The following SLCO1B3 variants were observed in gnomAD, a reference collection of about 807,000 sequenced individuals.
SLCO1B3 encodes liver-specific organic anion transporter 2.
SLCO1B3 carries 72 observed loss-of-function variants against 71.8 expected under a neutral mutation model. The ratio of observed to expected loss-of-function variants is 1.00; its 90% CI spans 0.83 to 1.22. The LOEUF (loss-of-function observed/expected upper bound fraction) is 1.22. Among genes scored for constraint, SLCO1B3 ranks in the 50% most tolerant of loss-of-function variants. The probability of loss-of-function intolerance (pLI) is 0.00; values close to 1 mark genes in which losing one functional copy is unlikely to be tolerated. For synonymous variants in SLCO1B3, 298 were observed against 278.4 expected (o/e 1.07, Z -0.70); for missense variants, 911 against 819.7 (o/e 1.11, Z -1.36).
intron 5 of SLCO1B3, among the ~76,000 whole-genome samples, chr12:20,860,218 G>T (rs1471314785): frequency 6.6e-6 from 1 of 152,108 alleles, no homozygotes; most frequent in Non-Finnish European, 1.5e-5. Context: ...ACCTCCCAAA[G>T]TGCTGGGATT....
chr12:20,850,446 AT>A (rs1323307640), intron 3 of SLCO1B3, among the ~76,000 whole-genome samples: 3 of 150,148 alleles, frequency 2.0e-5, no homozygotes, highest in Non-Finnish European at 3.0e-5. Context: ...CTCCCGGCTA[AT>A]TTTTTTTTGT....
intron 13 of SLCO1B3, among the ~76,000 whole-genome samples, chr12:20,898,053 A>T (rs1488919108): frequency 6.6e-6 from 1 of 152,192 alleles, no homozygotes; most frequent in African/African-American, 2.4e-5. Context: ...GTCTGCTAAG[A>T]ATTACTCCTG....
At position 20,862,854 on chromosome 12, in the gene SLCO1B3, AG is replaced by A. The variant is rs1865298509; in HGVS notation, c.727+1del. 3 of 1,527,076 alleles carry A rather than the reference AG, an allele frequency of 2.0e-6. No individual in the cohort carries two copies. The highest frequency in any genetic ancestry group is 2.7e-6 in the Non-Finnish European group (3 of 1,102,138). 94.6% of individuals were successfully genotyped at this position (1,527,076 alleles called of 1,614,324 possible). A position where few individuals can be genotyped will look rare whatever the true frequency, so the allele number is the denominator to read the frequency against. On this transcript the variant is annotated splice_donor_variant, in intron 8 of 15. Coordinates refer to ENST00000381545, the MANE Select transcript of SLCO1B3 (RefSeq NM_019844.4). LOFTEE classifies it high-confidence loss of function. ...CGTGGATATTGGATATGTAGATCTG[AG>A]TAAGTACAATTAGAACAAGGTACCA...
intron 15 of SLCO1B3, among the ~76,000 whole-genome samples, chr12:20,914,050 C>T (rs1866442390): frequency 6.6e-6 from 1 of 152,164 alleles, no homozygotes; most frequent in Non-Finnish European, 1.5e-5. Context: ...AGGCATGAGC[C>T]ACCATGCCTG....
At chr12:20,854,497 G>A (rs757211960) in intron 3 of SLCO1B3, among the ~76,000 whole-genome samples, 9 of 152,052 alleles carry the variant, frequency 5.9e-5, no homozygotes, top group Non-Finnish European at 1.2e-4. Flanking sequence ...TAGTTTTTCT[G>A]ATATGATTAT....
intron 15 of SLCO1B3, among the ~76,000 whole-genome samples, chr12:20,910,484 C>T (rs1866350647): frequency 6.6e-6 from 1 of 152,144 alleles, no homozygotes; most frequent in South Asian, 2.1e-4. Flanking sequence ...TCAATATCCA[C>T]AAAATAACTT....
intron 13 of SLCO1B3, among the ~76,000 whole-genome samples, chr12:20,888,404 G>C (rs1005933284): frequency 2.0e-5 from 3 of 151,810 alleles, no homozygotes; most frequent in Non-Finnish European, 4.4e-5. Context: ...TCCTCGTAGA[G>C]ACTTTTTTAC....
chr12:20,814,198 TC>T (rs1475764790), intron 2 of SLCO1B3, among the ~76,000 whole-genome samples: 1 of 152,080 alleles, frequency 6.6e-6, no homozygotes, highest in Non-Finnish European at 1.5e-5. Flanking sequence ...TTATAAATAT[TC>T]CACTGTTCTA....
At chr12:20,875,629 A>G in intron 9 of SLCO1B3, 152 bp downstream of exon 9, 1 of 811,294 alleles carries the variant, frequency 1.2e-6, no homozygotes, top group South Asian at 1.8e-5. Flanking sequence ...AACTCCTATT[A>G]AAATTAACAA....
chr12:20,859,491 C>CCCCG (rs1555156065), intron 5 of SLCO1B3, among the ~76,000 whole-genome samples: 3 of 137,780 alleles, frequency 2.2e-5, no homozygotes, highest in East Asian at 2.3e-4. Flanking sequence ...CTGTTTTTTT[C>CCCCG]CCCCTCTACA....
At position 20,875,469 on chromosome 12, in the gene SLCO1B3, A is replaced by G. The variant is rs760723958; in HGVS notation, c.962A>G (p.Asn321Ser). 6.9e-6 allele frequency: 11 copies of G among 1,602,068 alleles called. No individual in the cohort carries two copies. In the Admixed American group the frequency reaches 1.6e-4, roughly 23 times the overall value. ...AACCAAGGAAAAAATGTTACCAAAA[A>G]TGTGACTGGTAGGTATTTGACATTC... ...LTNQGKNVTK[N>S]VTGFFQSLKS... The change falls in exon 9 of 16, where the codon AAT becomes AGT. Residue 321 changes from asparagine to serine, a missense_variant. Physicochemically the swap from Asn to Ser is conservative, Grantham distance 46. Transcript: ENST00000381545.
intron 2 of SLCO1B3, among the ~76,000 whole-genome samples, chr12:20,814,981 C>T (rs5796886): frequency 0.11 from 9,280 of 87,108 alleles, 429 homozygotes; most frequent in East Asian, 0.15. Flanking sequence ...CTTTTCTTTT[C>T]TTTTTTTTTT....
At chr12:20,873,516 T>C (rs1865518243) in intron 8 of SLCO1B3, among the ~76,000 whole-genome samples, 1 of 152,166 alleles carries the variant, frequency 6.6e-6, no homozygotes, top group Non-Finnish European at 1.5e-5. Context: ...TAGAAGCTAA[T>C]CTATTGGGTA....
chr12:20,840,417 A>C (rs1278908613), intron 3 of SLCO1B3, among the ~76,000 whole-genome samples: 1 of 139,436 alleles, frequency 7.2e-6, no homozygotes, highest in Non-Finnish European at 1.5e-5. Context: ...TTTGAGATGG[A>C]GTCTCACTCT....
chr12:20,826,514 A>C (rs751907064), intron 3 of SLCO1B3, among the ~76,000 whole-genome samples: 2 of 152,024 alleles, frequency 1.3e-5, no homozygotes, highest in Non-Finnish European at 2.9e-5. Context: ...TGGAATGACT[A>C]TTATAAATAA....
intron 14 of SLCO1B3, among the ~76,000 whole-genome samples, chr12:20,899,552 G>A (rs1045354156): frequency 6.6e-6 from 1 of 152,160 alleles, no homozygotes; most frequent in Non-Finnish European, 1.5e-5. Flanking sequence ...AAAAGGAATA[G>A]GAGAGAGAAG....
intron 8 of SLCO1B3, 29 bp from the exon 9 acceptor site, chr12:20,875,206 G>C: frequency 6.2e-7 from 1 of 1,610,170 alleles, no homozygotes. Context: ...AACGATTTTT[G>C]ACTGGCTTCT....
chr12:20,888,232 G>C (rs192707511), intron 13 of SLCO1B3, among the ~76,000 whole-genome samples: 1 of 151,738 alleles, frequency 6.6e-6, no homozygotes, highest in Admixed American at 6.6e-5. Context: ...TGAATTTTAG[G>C]ATTTACATTG....
intron 8 of SLCO1B3, among the ~76,000 whole-genome samples, chr12:20,874,087 A>G (rs1591773938): frequency 6.6e-6 from 1 of 152,176 alleles, no homozygotes; most frequent in Non-Finnish European, 1.5e-5. Flanking sequence ...GTATCTTTAT[A>G]ATATAATGAT....
Sources: allele counts gnomAD v4.1 joint callset (sites outside exome capture counted in the v4.1 genomes callset), GRCh38; gene constraint gnomAD v4.1.1; transcripts MANE v1.5; gene names NCBI Gene and HGNC (gene_info 2026-07-23, HGNC 2026-07-21).